The following CTIF variants were observed in gnomAD, a reference collection of about 807,000 sequenced individuals.
The protein encoded by CTIF is CBP80/20-dependent translation initiation factor.
A neutral mutation model predicts 66.0 loss-of-function variants in CTIF; 21 were observed. That is an observed-to-expected ratio of 0.32 (90% confidence interval 0.23 to 0.46). The LOEUF is 0.46. Among genes scored for constraint, CTIF ranks in the 20% least tolerant of loss-of-function variants. The probability of loss-of-function intolerance (pLI) is 1.00; values close to 1 mark genes in which losing one functional copy is unlikely to be tolerated. For synonymous variants in CTIF, 345 were observed against 326.4 expected, an observed-to-expected ratio of 1.06 and a Z score of -0.62; for missense variants, 739 against 812.7, an observed-to-expected ratio of 0.91 and a Z score of 1.10.
chr18:48,817,200 C>A, intron 9 of CTIF, 21 bp from the exon 10 acceptor site: 1 of 1,608,770 alleles, frequency 6.2e-7, no homozygotes, highest in Non-Finnish European at 8.5e-7. Flanking sequence ...GAGGCTGACG[C>A]GGTCTCTCAT....
At chr18:48,826,294 A>G (rs1372691836) in intron 10 of CTIF, 1 of 152,212 alleles carries the variant, frequency 6.6e-6, no homozygotes, top group East Asian at 1.9e-4. Context: ...AAAAATCGCA[A>G]CACAGTCAGC....
At chr18:48,584,398 A>G (rs182570542) in intron 1 of CTIF, among the ~76,000 whole-genome samples, 128 of 152,328 alleles carry the variant, frequency 8.4e-4, no homozygotes, top group Non-Finnish European at 1.6e-3. Context: ...CAGGACCTTT[A>G]TAAGCACATT....
Position 48,619,638 on chromosome 18 carries a change from G to A in CTIF, c.73G>A (p.Glu25Lys). The A allele has an allele frequency of 6.2e-7, 1 of 1,606,118 alleles. No homozygotes were observed. The highest frequency in any genetic ancestry group is 8.5e-7 in the Non-Finnish European group (1 of 1,176,604). The change falls in exon 2 of 12, where the codon GAG becomes AAG. Residue 25 changes from glutamate (E) to lysine (K), a missense_variant. By Grantham distance (56) the Glu-to-Lys change is moderately conservative. This residue lies in a region of CTIF where 529 missense variants were observed against 520.3 expected (regional missense o/e 1.02). Transcript: ENST00000256413. ...SSRSQEIEELERFIDSYVLEY... is the reference protein window; with the variant it reads ...SSRSQEIEELKRFIDSYVLEY... Reference sequence around the variant, plus strand: ...CCGCTCCCAGGAGATCGAGGAGCTGGAGCGCTTCATCGACAGCTACGTGCT... The same window carrying A: ...CCGCTCCCAGGAGATCGAGGAGCTGAAGCGCTTCATCGACAGCTACGTGCT...
At chr18:48,797,917 G>A (rs2067963515) in intron 9 of CTIF, among the ~76,000 whole-genome samples, 1 of 152,230 alleles carries the variant, frequency 6.6e-6, no homozygotes, top group African/African-American at 2.4e-5. Context: ...AGGAAGCAGA[G>A]CCCTCGGTGG....
intron 10 of CTIF, among the ~76,000 whole-genome samples, chr18:48,829,592 G>A (rs537420485): frequency 3.9e-5 from 6 of 152,304 alleles, no homozygotes; most frequent in African/African-American, 7.2e-5. Flanking sequence ...CCCAGCCTCC[G>A]TGCTCCAGCA....
intron 9 of CTIF, among the ~76,000 whole-genome samples, chr18:48,812,652 G>T (rs2068282048): frequency 6.6e-6 from 1 of 151,856 alleles, no homozygotes; most frequent in Non-Finnish European, 1.5e-5. Flanking sequence ...TACTCAGGAA[G>T]CTGAGGTGGA....
rs186170757 is a variant in CTIF, at chr18:48,768,680, C to A, written c.1371+6991C>A. Among the ~76,000 whole-genome samples the A allele has an allele frequency of 4.6e-4, 70 of 152,132 alleles. No individual in the cohort carries two copies. The Middle Eastern group carries it at 0.01, about 22-fold the overall frequency. On this transcript the variant is annotated intron_variant, in intron 9 of 11. Transcript: ENST00000256413. ...ATCCCAGCACTTTGCAAGGCCAAGG[C>A]AGGAGGATTGCTTGAGGCCAGGAGT... is the stretch of plus-strand genomic sequence containing the variant.
At chr18:48,666,826 G>T (rs1413108765) in intron 5 of CTIF, among the ~76,000 whole-genome samples, 2 of 152,320 alleles carry the variant, frequency 1.3e-5, no homozygotes, top group South Asian at 4.1e-4. Flanking sequence ...CTTCCAGACT[G>T]CTGAGCTGCA....
In CTIF at chr18:48,845,374, G is replaced by A. The variant is rs2069047957; in HGVS notation, c.1528-12214G>A. Among the ~76,000 whole-genome samples, 4 of 152,290 alleles carry A rather than the reference G, an allele frequency of 2.6e-5. No individual in the cohort carries two copies. The South Asian group carries it at 8.3e-4, about 32-fold the overall frequency. On this transcript the variant is annotated intron_variant, in intron 10 of 11. Coordinates refer to ENST00000256413, the MANE Select transcript of CTIF (RefSeq NM_014772.3). Reference sequence around the variant, plus strand: ...TAATCACCAAATCCAGGGGACCTTGGTCATTGTTCGTTTTACTTGACCTCT... The same window carrying A: ...TAATCACCAAATCCAGGGGACCTTGATCATTGTTCGTTTTACTTGACCTCT...
Position 48,675,754 on chromosome 18 carries a change from C to A in CTIF, c.507+5010C>A, listed in dbSNP as rs1469282229. On this transcript the variant is annotated intron_variant, in intron 6 of 11. Transcript: ENST00000256413. ...GAACACACTGCTTCCAGGAGGGCAG[C>A]AGCACGGGGCTGCAGGGGAACACCC... 2.0e-5 allele frequency among the ~76,000 whole-genome samples: 3 copies of A among 152,304 alleles called. No homozygotes were observed. In the East Asian group the frequency reaches 5.8e-4, roughly 29 times the overall value.
At chr18:48,561,191 TTG>T (rs2145613813) in intron 1 of CTIF, among the ~76,000 whole-genome samples, 1 of 144,742 alleles carries the variant, frequency 6.9e-6, no homozygotes, top group South Asian at 2.2e-4. Context: ...TGAGCCAAGA[TTG>T]TGCCACTGCA....
chr18:48,703,739 G>T (rs1477309061), intron 6 of CTIF, among the ~76,000 whole-genome samples: 3 of 152,180 alleles, frequency 2.0e-5, no homozygotes, highest in African/African-American at 7.2e-5. Flanking sequence ...ATTGGGGCAG[G>T]GGCAGCAGCC....
intron 3 of CTIF, among the ~76,000 whole-genome samples, chr18:48,658,904 C>T (rs1217517250): frequency 1.3e-5 from 2 of 152,112 alleles, no homozygotes; most frequent in African/African-American, 4.8e-5. Flanking sequence ...ACGTTGGGCT[C>T]CTGGTTGTCC....
intron 3 of CTIF, among the ~76,000 whole-genome samples, chr18:48,648,739 C>T (rs2091100010): frequency 6.6e-6 from 1 of 152,286 alleles, no homozygotes; most frequent in South Asian, 2.1e-4. Flanking sequence ...ATGTAAAAGC[C>T]CTCATAGTGT....
chr18:48,813,441 T>G (rs1477413188), intron 9 of CTIF, among the ~76,000 whole-genome samples: 1 of 152,262 alleles, frequency 6.6e-6, no homozygotes, highest in African/African-American at 2.4e-5. Flanking sequence ...AGGATTTTTG[T>G]GTAGATGCCA....
intron 1 of CTIF, among the ~76,000 whole-genome samples, chr18:48,549,027 T>C (rs2088822089): frequency 6.6e-6 from 1 of 152,102 alleles, no homozygotes; most frequent in Non-Finnish European, 1.5e-5. Flanking sequence ...GGGACACAGA[T>C]ATAAACTGAG....
At position 48,687,870 on chromosome 18, in the gene CTIF, C is replaced by T. The variant is rs191787703; in HGVS notation, c.507+17126C>T. ...CCTTTGCCGTTACTAAGAAATGTGG[C>T]CCCCACCCCCAGTGGTAGCCCAGTC... On this transcript the variant is annotated intron_variant, in intron 6 of 11. Transcript: ENST00000256413. 5.4e-4 allele frequency among the ~76,000 whole-genome samples: 82 copies of T among 152,286 alleles called. 3 individuals are homozygous for T. In the South Asian group the frequency reaches 0.015, roughly 27 times the overall value.
rs1487672576 is a variant in CTIF, at chr18:48,619,622, G to A, written c.57G>A (p.Gln19=). ...CGGAGGCAGGGAGCAGCCGCTCCCA[G>A]GAGATCGAGGAGCTGGAGCGCTTCA... ...ASSEAGSSRS[Q]EIEELERFID... Residue 19 remains glutamine (Q), a synonymous_variant, in exon 2 of 12, where the codon CAG becomes CAA. Coordinates refer to ENST00000256413, the MANE Select transcript of CTIF (RefSeq NM_014772.3). 8.1e-6 allele frequency: 13 copies of A among 1,604,960 alleles called. No individual in the cohort carries two copies. The highest frequency in any genetic ancestry group is 1.1e-5 in the Non-Finnish European group (13 of 1,176,120).
rs2145635203 is a variant in CTIF at position 48,729,628 on chromosome 18, A to C, written c.584+17933A>C. The stretch of plus-strand genomic sequence containing the variant: ...GAGCTGAGGCTGGTCCCAGACATCC[A>C]GACGTCTGGATTCTTTTCCACAGGG... On this transcript the variant is annotated intron_variant, in intron 7 of 11. Coordinates refer to ENST00000256413, the MANE Select transcript of CTIF (RefSeq NM_014772.3). 1.3e-5 allele frequency among the ~76,000 whole-genome samples: 2 copies of C among 152,342 alleles called. 1 individual carries two copies. Among genetic ancestry groups the C allele is most frequent in the South Asian group, 4.1e-4 (2 of 4,826 alleles).
Sources: gnomAD v4.1 joint callset for allele counts (sites outside exome capture counted in the v4.1 genomes callset) on GRCh38, gnomAD v4.1.1 for gene constraint, gnomAD v4.1.1 regional missense constraint, MANE v1.5 for transcripts, NCBI Gene and HGNC (gene_info 2026-07-23, HGNC 2026-07-21) for gene names.